Variants in ABTB3 observed in about 807,000 individuals in gnomAD.
ABTB3 encodes the protein ankyrin repeat- and BTB/POZ domain-containing protein 3.
chr12:107,462,855 A>T, the ABTB3 span, among the ~76,000 whole-genome samples: 1 of 150,182 alleles, frequency 6.7e-6, no homozygotes, highest in Non-Finnish European at 1.5e-5. Flanking sequence ...AATAGTAGTG[A>T]CCGTGATGAT....
chr12:107,585,106 T>C, the ABTB3 span, among the ~76,000 whole-genome samples: 3 of 152,238 alleles, frequency 2.0e-5, no homozygotes, highest in South Asian at 6.2e-4. Context: ...ACAGAGTAAA[T>C]ACTGTCATTT....
chr12:107,540,432 T>C, the ABTB3 span, among the ~76,000 whole-genome samples: 1 of 152,156 alleles, frequency 6.6e-6, no homozygotes, highest in East Asian at 1.9e-4. Context: ...CTGATTCAAA[T>C]GCCAGTCTCT....
the ABTB3 span, among the ~76,000 whole-genome samples, chr12:107,508,438 CTTTTTTTTTT>C: frequency 5.8e-3 from 402 of 69,122 alleles, 1 homozygote; most frequent in Middle Eastern, 0.045. Flanking sequence ...AAGATCATTT[CTTTTTTTTTT>C]TTTTTTTTTT....
chr12:107,452,406 C>T, the ABTB3 span, among the ~76,000 whole-genome samples: 2 of 151,866 alleles, frequency 1.3e-5, no homozygotes, highest in African/African-American at 4.8e-5. Flanking sequence ...CGGGGTTTCA[C>T]TGTGTTAGCC....
the ABTB3 span, among the ~76,000 whole-genome samples, chr12:107,652,757 A>C: frequency 3.2e-3 from 490 of 152,328 alleles, 5 homozygotes; most frequent in African/African-American, 0.011. Flanking sequence ...AATTCACTTC[A>C]TCAGTGGGGA....
chr12:107,470,010 T>TCTC, the ABTB3 span, among the ~76,000 whole-genome samples: 5 of 57,156 alleles, frequency 8.7e-5, no homozygotes, highest in African/African-American at 3.2e-4. Flanking sequence ...CTTTCTTTCT[T>TCTC]TCTCTCTCTC....
chr12:107,329,268 G>T, the ABTB3 span, among the ~76,000 whole-genome samples: 4 of 152,146 alleles, frequency 2.6e-5, no homozygotes, highest in African/African-American at 9.7e-5. Flanking sequence ...GGTGGACCAG[G>T]GTTCAAATTC....
chr12:107,521,966 G>T, the ABTB3 span, among the ~76,000 whole-genome samples: 1 of 151,974 alleles, frequency 6.6e-6, no homozygotes, highest in Non-Finnish European at 1.5e-5. Flanking sequence ...TATACAGTGT[G>T]GCTTAAAACA....
At chr12:107,474,522 G>C in the ABTB3 span, among the ~76,000 whole-genome samples, 1 of 152,200 alleles carries the variant, frequency 6.6e-6, no homozygotes, top group African/African-American at 2.4e-5. Context: ...TCTTCTGAGT[G>C]GGCTCAGCTC....
chr12:107,341,129 C>A, the ABTB3 span, among the ~76,000 whole-genome samples: 1 of 152,150 alleles, frequency 6.6e-6, no homozygotes, highest in African/African-American at 2.4e-5. Flanking sequence ...GTTAGCATAC[C>A]CCTGAGTGCT....
At chr12:107,551,270 A>G in the ABTB3 span, among the ~76,000 whole-genome samples, 2 of 152,348 alleles carry the variant, frequency 1.3e-5, no homozygotes, top group Admixed American at 1.3e-4. Context: ...TAGAGCGAGA[A>G]GATGAGATAT....
chr12:107,378,615 T>C, the ABTB3 span, among the ~76,000 whole-genome samples: 2 of 152,148 alleles, frequency 1.3e-5, no homozygotes, highest in African/African-American at 4.8e-5. Context: ...TGTTTTTGGC[T>C]CTCACCTTGT....
chr12:107,644,122 G>A, the ABTB3 span, among the ~76,000 whole-genome samples: 60,714 of 151,736 alleles, frequency 0.4, 12,773 homozygotes, highest in African/African-American at 0.47. Flanking sequence ...TAAATGATGC[G>A]TCCAAAGTCT....
chr12:107,398,453 A>G, the ABTB3 span, among the ~76,000 whole-genome samples: 9 of 152,182 alleles, frequency 5.9e-5, no homozygotes, highest in Middle Eastern at 3.4e-3. Flanking sequence ...CTTCCAGCGG[A>G]AAGAGGAGGC....
At chr12:107,654,907 C>T in the ABTB3 span, among the ~76,000 whole-genome samples, 1 of 149,756 alleles carries the variant, frequency 6.7e-6, no homozygotes, top group African/African-American at 2.5e-5. Context: ...TTTCTCAGGA[C>T]ACAAGCATTT....
the ABTB3 span, among the ~76,000 whole-genome samples, chr12:107,626,343 CTT>C: frequency 8.9e-6 from 1 of 112,514 alleles, no homozygotes. Flanking sequence ...CTATCGTCAT[CTT>C]TTTTTTTTTT....
chr12:107,484,954 G>A, the ABTB3 span, among the ~76,000 whole-genome samples: 1 of 152,182 alleles, frequency 6.6e-6, no homozygotes, highest in African/African-American at 2.4e-5. Context: ...GATGTGCTAT[G>A]TCTGCAATGC....
the ABTB3 span, among the ~76,000 whole-genome samples, chr12:107,629,053 G>A: frequency 6.6e-6 from 1 of 152,188 alleles, no homozygotes; most frequent in African/African-American, 2.4e-5. Flanking sequence ...CAAAGGAGAA[G>A]AGGAAAGATG....
chr12:107,637,106 G>A, the ABTB3 span, among the ~76,000 whole-genome samples: 528 of 152,230 alleles, frequency 3.5e-3, 3 homozygotes, highest in Non-Finnish European at 5.5e-3. Context: ...TTTACTGAGG[G>A]ATACTCATGT....
Sources: allele counts gnomAD v4.1 joint callset (sites outside exome capture counted in the v4.1 genomes callset), GRCh38; gene constraint gnomAD v4.1.1; transcripts MANE v1.5; gene names NCBI Gene and HGNC (gene_info 2026-07-23, HGNC 2026-07-21).